The following SUGCT variants were observed in gnomAD, a reference collection of about 807,000 sequenced individuals.
The protein encoded by SUGCT is succinyl-CoA:glutarate CoA-transferase.
SUGCT carries 41 observed loss-of-function variants against 55.0 expected under a neutral mutation model. The observed-to-expected ratio is 0.74, with a 90% confidence interval of 0.58 to 0.97. SUGCT has a LOEUF of 0.97. Among genes scored for constraint, SUGCT ranks in the 50% least tolerant of loss-of-function variants. SUGCT has a pLI of 0.00. For synonymous variants in SUGCT, 187 were observed against 200.4 expected (o/e 0.93, Z 0.56); for missense variants, 568 against 547.8 (o/e 1.04, Z -0.37).
In SUGCT at chr7:40,273,128, GCATTA is replaced by G. The variant is rs372429388; in HGVS notation, c.577-1377_577-1373del. On this transcript the variant is annotated intron_variant, in intron 7 of 13. Coordinates refer to ENST00000335693, the MANE Select transcript of SUGCT (RefSeq NM_001193313.2). Reference sequence around the variant, plus strand: ...TTAATTTTAAGTGTATTGATTTAAGGCATTACATTACAACTTTTGACAATAATAAT... The same window carrying G: ...TTAATTTTAAGTGTATTGATTTAAGGCATTACAACTTTTGACAATAATAAT... Among the ~76,000 whole-genome samples, 41 of 152,078 alleles carry G rather than the reference GCATTA, an allele frequency of 2.7e-4. 1 individual carries two copies. The East Asian group carries it at 6.9e-3, about 26-fold the overall frequency.
chr7:40,352,134 T>A (rs183547695), intron 9 of SUGCT, among the ~76,000 whole-genome samples: 7 of 152,314 alleles, frequency 4.6e-5, no homozygotes, highest in African/African-American at 1.7e-4. Context: ...CACATCTCGA[T>A]CTGTCTGCTT....
chr7:40,475,663 A>T (rs2151478446), intron 11 of SUGCT, among the ~76,000 whole-genome samples: 1 of 152,210 alleles, frequency 6.6e-6, no homozygotes, highest in South Asian at 2.1e-4. Context: ...GAATCCCAGG[A>T]TTTTTCCAAG....
chr7:40,658,036 A>T (rs977959290), intron 12 of SUGCT, among the ~76,000 whole-genome samples: 2 of 152,192 alleles, frequency 1.3e-5, no homozygotes, highest in Non-Finnish European at 1.5e-5. Context: ...AATTTCATGA[A>T]ATATAAACCT....
At chr7:40,534,999 A>G (rs1026804223) in intron 12 of SUGCT, among the ~76,000 whole-genome samples, 2 of 152,122 alleles carry the variant, frequency 1.3e-5, no homozygotes, top group African/African-American at 2.4e-5. Flanking sequence ...ACTCTTCTCT[A>G]TAGATTACAT....
intron 12 of SUGCT, among the ~76,000 whole-genome samples, chr7:40,741,731 C>T (rs1255085431): frequency 6.6e-6 from 1 of 152,192 alleles, no homozygotes; most frequent in Non-Finnish European, 1.5e-5. Context: ...TATACAATGG[C>T]ATACTTCATA....
chr7:40,939,508 A>G, the SUGCT span, among the ~76,000 whole-genome samples: 1 of 152,220 alleles, frequency 6.6e-6, no homozygotes, highest in East Asian at 1.9e-4. Flanking sequence ...TTATATTCCC[A>G]CCAGCAGTTT....
At chr7:40,622,709 T>TTGTGTGTGTGTGTC (rs1799332865) in intron 12 of SUGCT, among the ~76,000 whole-genome samples, 1 of 146,614 alleles carries the variant, frequency 6.8e-6, no homozygotes, top group Non-Finnish European at 1.6e-5. Context: ...GTGTGTGTGT[T>TTGTGTGTGTGTGTC]TGTGTGTGTG....
the SUGCT span, among the ~76,000 whole-genome samples, chr7:41,005,900 C>T: frequency 2.0e-5 from 3 of 152,206 alleles, no homozygotes; most frequent in African/African-American, 7.2e-5. Context: ...GACCTCCGAG[C>T]ATTCCAGGAA....
chr7:40,306,600 TG>T (rs1271425331), intron 8 of SUGCT, among the ~76,000 whole-genome samples: 1 of 152,212 alleles, frequency 6.6e-6, no homozygotes, highest in Non-Finnish European at 1.5e-5. Context: ...TGTAGAATAA[TG>T]TAATATTTTA....
At chr7:40,884,427 C>CT in the SUGCT span, among the ~76,000 whole-genome samples, 2 of 152,270 alleles carry the variant, frequency 1.3e-5, no homozygotes, top group East Asian at 3.9e-4. Flanking sequence ...TGGGATGTCC[C>CT]TTTATGACTG....
At chr7:41,011,909 T>C in the SUGCT span, among the ~76,000 whole-genome samples, 1 of 152,190 alleles carries the variant, frequency 6.6e-6, no homozygotes, top group African/African-American at 2.4e-5. Context: ...CTTTACACTG[T>C]GGCTTTAGAG....
At chr7:41,002,482 G>A in the SUGCT span, among the ~76,000 whole-genome samples, 1 of 152,322 alleles carries the variant, frequency 6.6e-6, no homozygotes, top group Middle Eastern at 3.4e-3. Flanking sequence ...GGATGTAGAA[G>A]ATAGGACAGA....
intron 9 of SUGCT, among the ~76,000 whole-genome samples, chr7:40,363,510 G>T (rs545352257): frequency 6.6e-6 from 1 of 152,152 alleles, no homozygotes; most frequent in African/African-American, 2.4e-5. Context: ...CTGGTATGTT[G>T]TGTCTTTGTT....
intron 12 of SUGCT, among the ~76,000 whole-genome samples, chr7:40,694,492 CT>C (rs1216008978): frequency 2.6e-5 from 4 of 152,326 alleles, no homozygotes; most frequent in South Asian, 2.1e-4. Context: ...AGTTTTGTCT[CT>C]AGTATTTCCT....
chr7:41,018,896 G>A, the SUGCT span, among the ~76,000 whole-genome samples: 1 of 151,164 alleles, frequency 6.6e-6, no homozygotes, highest in African/African-American at 2.4e-5. Flanking sequence ...TTTATATGAT[G>A]ACTAATATAT....
intron 12 of SUGCT, among the ~76,000 whole-genome samples, chr7:40,636,925 C>T (rs1048437214): frequency 7.2e-5 from 11 of 152,248 alleles, no homozygotes; most frequent in Non-Finnish European, 2.9e-5. Context: ...CCTCCTTTCC[C>T]GGCAAGGATT....
rs1256840617 is a variant in SUGCT, at chr7:40,678,642, A to G, written c.1090-70792A>G. The stretch of plus-strand genomic sequence containing the variant: ...ATAAGCAAAATTCCACTATAATAAC[A>G]TAGAATGAATGGTATGAATTGTTTT... On this transcript the variant is annotated intron_variant, in intron 12 of 13. Coordinates refer to ENST00000335693, the MANE Select transcript of SUGCT (RefSeq NM_001193313.2). Among the ~76,000 whole-genome samples the G allele has an allele frequency of 4.6e-5, 7 of 152,216 alleles. No individual in the cohort carries two copies. The South Asian group carries it at 8.3e-4, about 18-fold the overall frequency.
intron 6 of SUGCT, among the ~76,000 whole-genome samples, chr7:40,217,143 G>C (rs1426980312): frequency 6.6e-6 from 1 of 152,162 alleles, no homozygotes; most frequent in Non-Finnish European, 1.5e-5. Context: ...TAGGGCCACA[G>C]ATACCATTTG....
chr7:40,609,039 G>A (rs764206633), intron 12 of SUGCT, among the ~76,000 whole-genome samples: 28 of 152,182 alleles, frequency 1.8e-4, no homozygotes, highest in Middle Eastern at 3.4e-3. Context: ...GTTCTTTCAA[G>A]GTATGCTAGG....
Sources: gnomAD v4.1 joint callset for allele counts (sites outside exome capture counted in the v4.1 genomes callset) on GRCh38, gnomAD v4.1.1 for gene constraint, MANE v1.5 for transcripts, NCBI Gene and HGNC (gene_info 2026-07-23, HGNC 2026-07-21) for gene names.